PAK3: variants seen among roughly 807,000 people sequenced by gnomAD.
The protein encoded by PAK3 is p21 (RAC1) activated kinase 3.
A neutral mutation model predicts 41.0 loss-of-function variants in PAK3; 4 were observed. The observed-to-expected ratio is 0.10, with a 90% CI of 0.05 to 0.22. The LOEUF (loss-of-function observed/expected upper bound fraction) is 0.22, where lower values mean the gene tolerates loss of function less well. Ranked by LOEUF, PAK3 falls within the 10% of genes least tolerant of loss-of-function variation. The pLI, the probability that PAK3 is intolerant of heterozygous loss-of-function variation, is 1.00. For missense variants in PAK3, 205 were observed against 409.9 expected, an observed-to-expected ratio of 0.50 and a Z score of 4.32; for synonymous variants, 146 against 139.6, an observed-to-expected ratio of 1.05 and a Z score of -0.32.
At chrX:110,951,271 C>T (rs941206980) in intron 1 of PAK3, among the ~76,000 whole-genome samples, 1 of 111,912 alleles carries the variant, frequency 8.9e-6, no homozygotes, top group Non-Finnish European at 1.9e-5. Flanking sequence ...AGCAGTTTAT[C>T]GTTTGTCTTT....
chrX:111,193,798 A>G (rs1444914982), intron 13 of PAK3, among the ~76,000 whole-genome samples: 1 of 111,953 alleles, frequency 8.9e-6, no homozygotes, highest in Non-Finnish European at 1.9e-5. Flanking sequence ...CAAAAAAAAC[A>G]ATGCATTTGC....
At chrX:111,059,485 A>G in intron 1 of PAK3, among the ~76,000 whole-genome samples, 1 of 111,563 alleles carries the variant, frequency 9.0e-6, no homozygotes, top group Admixed American at 9.5e-5. Context: ...AAAGAGCATT[A>G]GAGTTTTGAT....
intron 1 of PAK3, among the ~76,000 whole-genome samples, chrX:110,945,345 A>G (rs1233567101): frequency 8.9e-6 from 1 of 111,804 alleles, no homozygotes; most frequent in Non-Finnish European, 1.9e-5. Flanking sequence ...CAGGTGGATC[A>G]GGTCCAACCT....
At chrX:111,011,683 GCAGTGTAAGCAGTATTAA>G (rs1364605536) in intron 1 of PAK3, among the ~76,000 whole-genome samples, 1 of 112,332 alleles carries the variant, frequency 8.9e-6, no homozygotes, top group Non-Finnish European at 1.9e-5. Context: ...TTCTGCTTCT[GCAGTGTAAGCAGTATTAA>G]CAGCCTGGGT....
chrX:111,110,169 A>C (rs187246307), intron 4 of PAK3, among the ~76,000 whole-genome samples: 4 of 112,751 alleles, frequency 3.5e-5, no homozygotes, highest in Admixed American at 2.8e-4. Flanking sequence ...CTGTGAAAAT[A>C]AACTGTAAAC....
intron 1 of PAK3, among the ~76,000 whole-genome samples, chrX:110,977,947 G>A (rs976457598): frequency 4.5e-5 from 5 of 111,849 alleles, no homozygotes; most frequent in Non-Finnish European, 9.4e-5. Context: ...GACTAGAAAC[G>A]ACAAAGGTGT....
intron 1 of PAK3, among the ~76,000 whole-genome samples, chrX:111,052,576 A>G (rs767979200): frequency 8.9e-5 from 10 of 112,347 alleles, no homozygotes; most frequent in Non-Finnish European, 1.5e-4. Flanking sequence ...AATTACTGTT[A>G]CTTCCAGTTT....
At chrX:111,097,299 G>A (rs1189932675) in intron 1 of PAK3, 91 bp from the exon 2 acceptor site, 1 of 107,375 alleles carries the variant, frequency 9.3e-6, no homozygotes, top group Non-Finnish European at 1.9e-5. Flanking sequence ...GGTGGGGTGG[G>A]GTGGGGGATG....
chrX:111,092,796 C>A (rs2092940100), upstream of PAK3, among the ~76,000 whole-genome samples: 1 of 112,063 alleles, frequency 8.9e-6, no homozygotes, highest in African/African-American at 3.2e-5. Context: ...ATTTTTCATT[C>A]TTATATAATA....
chrX:111,177,766 G>A (rs190426044), intron 11 of PAK3, among the ~76,000 whole-genome samples: 1 of 111,781 alleles, frequency 8.9e-6, no homozygotes, highest in East Asian at 2.8e-4. Context: ...TCCTGAATAA[G>A]CAATAGCTAT....
At chrX:111,000,801 G>C (rs977397303) in intron 1 of PAK3, among the ~76,000 whole-genome samples, 2 of 111,942 alleles carry the variant, frequency 1.8e-5, no homozygotes, top group Admixed American at 1.9e-4. Context: ...GCCCTCCTGG[G>C]GCTTAAGTGC....
intron 1 of PAK3, among the ~76,000 whole-genome samples, chrX:111,090,501 C>A: frequency 8.9e-6 from 1 of 111,748 alleles, no homozygotes; most frequent in Admixed American, 9.5e-5. Flanking sequence ...ATTTTCTCTT[C>A]GCCTCCTGAG....
intron 1 of PAK3, among the ~76,000 whole-genome samples, chrX:110,956,610 G>A (rs191903124): frequency 8.9e-4 from 99 of 111,648 alleles, no homozygotes; most frequent in African/African-American, 2.7e-3. Context: ...CCTTGACCTC[G>A]AAAATGTTTC....
intron 1 of PAK3, among the ~76,000 whole-genome samples, chrX:110,951,948 G>T (rs2090753317): frequency 1.8e-5 from 2 of 112,192 alleles, no homozygotes; most frequent in East Asian, 2.8e-4. Flanking sequence ...CAGCTAGATT[G>T]GTTCCATAAC....
chrX:111,174,204 A>G (rs1221035452), intron 11 of PAK3, among the ~76,000 whole-genome samples: 7 of 111,716 alleles, frequency 6.3e-5, no homozygotes, highest in Non-Finnish European at 1.9e-5. Context: ...TCATGATTTT[A>G]TATTTTCTTT....
intron 1 of PAK3, among the ~76,000 whole-genome samples, chrX:110,979,532 C>T (rs2091413271): frequency 1.8e-5 from 2 of 111,050 alleles, no homozygotes; most frequent in African/African-American, 6.5e-5. Flanking sequence ...CTCCTGACCT[C>T]GTGATCTGGC....
chrX:111,090,502 G>A (rs756571694), intron 1 of PAK3, among the ~76,000 whole-genome samples: 6 of 111,486 alleles, frequency 5.4e-5, no homozygotes, highest in Non-Finnish European at 1.1e-4. Context: ...TTTTCTCTTC[G>A]CCTCCTGAGA....
At chrX:110,951,883 C>T (rs1316544002) in intron 1 of PAK3, among the ~76,000 whole-genome samples, 1 of 112,210 alleles carries the variant, frequency 8.9e-6, no homozygotes, top group Non-Finnish European at 1.9e-5. Context: ...AGCTCTATCT[C>T]ATCTTAAGAC....
At chrX:111,028,065 C>T (rs1209781005) in intron 1 of PAK3, among the ~76,000 whole-genome samples, 3 of 34,105 alleles carry the variant, frequency 8.8e-5, no homozygotes, top group African/African-American at 1.6e-4. Flanking sequence ...GAATACTACT[C>T]AGCCATAAAA....
Sources: allele counts gnomAD v4.1 joint callset (sites outside exome capture counted in the v4.1 genomes callset), GRCh38; gene constraint gnomAD v4.1.1; transcripts MANE v1.5; gene names NCBI Gene and HGNC (gene_info 2026-07-23, HGNC 2026-07-21).